The following GPAT3 variants were observed in gnomAD, a reference collection of about 807,000 sequenced individuals.
The protein encoded by GPAT3 is 1-AGP acyltransferase 9.
A neutral mutation model predicts 58.8 loss-of-function variants in GPAT3; 53 were observed. That is an observed-to-expected ratio of 0.90 (90% CI 0.72 to 1.13). The LOEUF (loss-of-function observed/expected upper bound fraction) is 1.13. Among genes scored for constraint, GPAT3 ranks in the 50% most tolerant of loss-of-function variants. The pLI is 0.00. For synonymous variants in GPAT3, 197 were observed against 187.4 expected, an observed-to-expected ratio of 1.05 and a Z score of -0.42; for missense variants, 511 against 527.6, an observed-to-expected ratio of 0.97 and a Z score of 0.31.
chr4:83,566,832 T>C (rs542354724), intron 2 of GPAT3, among the ~76,000 whole-genome samples: 1 of 151,894 alleles, frequency 6.6e-6, no homozygotes, highest in Admixed American at 6.6e-5. Flanking sequence ...TTCTTTTGTA[T>C]CCTTAAGAGA....
chr4:83,562,253 T>C (rs563595595), intron 2 of GPAT3, among the ~76,000 whole-genome samples: 12 of 135,998 alleles, frequency 8.8e-5, no homozygotes, highest in African/African-American at 2.8e-4. Flanking sequence ...ATATATAAAA[T>C]ATAGTTTGGC....
At chr4:83,551,813 A>AATCTATCT (rs3083939) in intron 2 of GPAT3, among the ~76,000 whole-genome samples, 3,527 of 102,330 alleles carry the variant, frequency 0.034, 139 homozygotes, top group African/African-American at 0.085. Context: ...AAAAAAAAAA[A>AATCTATCT]ATCTATCTAT....
intron 11 of GPAT3, among the ~76,000 whole-genome samples, chr4:83,600,807 A>G (rs1727028586): frequency 6.6e-6 from 1 of 152,050 alleles, no homozygotes; most frequent in Non-Finnish European, 1.5e-5. Flanking sequence ...TGGCCGGGAG[A>G]TTGGATTCTT....
In GPAT3 at chr4:83,605,080, G is replaced by T. The variant is rs1305850823; in HGVS notation, c.*313G>T. 4 of 200,698 alleles carry T rather than the reference G, an allele frequency of 2.0e-5. No homozygotes were observed. The highest frequency in any genetic ancestry group is 4.0e-5 in the Non-Finnish European group (4 of 98,986). 12.4% of individuals were successfully genotyped at this position (200,698 alleles called of 1,614,324 possible). On this transcript the variant is annotated 3_prime_UTR_variant, in exon 12 of 12. Transcript: ENST00000264409. ...AAAAAGTGCTTGAAAAGTGTGTTTG[G>T]AACTCATCGATAGGGTAATTCTCCA...
At chr4:83,556,342 C>T (rs1374085708) in intron 2 of GPAT3, among the ~76,000 whole-genome samples, 2 of 151,754 alleles carry the variant, frequency 1.3e-5, no homozygotes, top group Admixed American at 1.3e-4. Flanking sequence ...GACTAAAATA[C>T]AAAAAAATAG....
chr4:83,585,302 A>C (rs1726336346), intron 3 of GPAT3, among the ~76,000 whole-genome samples: 1 of 150,090 alleles, frequency 6.7e-6, no homozygotes, highest in Admixed American at 6.7e-5. Context: ...AGTTATAGTA[A>C]TATATCATGT....
intron 6 of GPAT3, among the ~76,000 whole-genome samples, chr4:83,594,294 C>A (rs1374024412): frequency 6.6e-6 from 1 of 152,116 alleles, no homozygotes; most frequent in Non-Finnish European, 1.5e-5. Flanking sequence ...ACAAGTAATG[C>A]TGTAGTTAAT....
intron 6 of GPAT3, among the ~76,000 whole-genome samples, chr4:83,591,732 C>T (rs1442604310): frequency 6.6e-6 from 1 of 152,118 alleles, no homozygotes; most frequent in Non-Finnish European, 1.5e-5. Flanking sequence ...TCCCTGTAAT[C>T]CAATCAGGTT....
intron 3 of GPAT3, among the ~76,000 whole-genome samples, chr4:83,585,975 G>GCCAGACT (rs202194089): frequency 0.034 from 5,142 of 152,190 alleles, 292 homozygotes; most frequent in African/African-American, 0.12. Context: ...GAATTCTGGA[G>GCCAGACT]CCCTGGGTTC....
intron 6 of GPAT3, 53 bp from the exon 7 acceptor site, chr4:83,594,792 T>C: frequency 6.7e-7 from 1 of 1,492,886 alleles, no homozygotes; most frequent in South Asian, 1.2e-5. Context: ...TAAAAAACTT[T>C]CTTTGCACAA....
intron 1 of GPAT3, among the ~76,000 whole-genome samples, chr4:83,538,006 T>A (rs994851193): frequency 1.3e-5 from 2 of 152,250 alleles, no homozygotes; most frequent in African/African-American, 4.8e-5. Flanking sequence ...TGCCTGCACC[T>A]ACTGTATGAA....
intron 2 of GPAT3, among the ~76,000 whole-genome samples, chr4:83,549,887 T>C (rs986009917): frequency 2.6e-5 from 4 of 151,924 alleles, no homozygotes; most frequent in African/African-American, 7.3e-5. Context: ...CAAACCTGGC[T>C]AATTTTTGTA....
chr4:83,588,572 T>G (rs1384587738), intron 5 of GPAT3, among the ~76,000 whole-genome samples: 1 of 152,222 alleles, frequency 6.6e-6, no homozygotes, highest in Non-Finnish European at 1.5e-5. Context: ...AGCTCATCCC[T>G]ATGAGATAGG....
intron 2 of GPAT3, among the ~76,000 whole-genome samples, chr4:83,577,635 T>A (rs796135154): frequency 3.3e-5 from 5 of 152,302 alleles, no homozygotes; most frequent in African/African-American, 9.6e-5. Context: ...AATTATTTTT[T>A]AAAAAGATCT....
Position 83,536,858 on chromosome 4 carries a change from G to A in GPAT3, c.141+95G>A, listed in dbSNP as rs114476938. 6.1e-3 allele frequency: 7,293 copies of A among 1,201,946 alleles called. 35 individuals carry two copies. The highest frequency in any genetic ancestry group is 7.8e-3 in the Non-Finnish European group (6,637 of 851,276). The allele number at this position is 1,201,946 out of a possible 1,614,324, so 74.5% of individuals were successfully genotyped here. A position where few individuals can be genotyped will look rare whatever the true frequency, so the allele number is the denominator to read the frequency against. The stretch of plus-strand genomic sequence containing the variant: ...AGGTCAGTGGTCGCGAGTCAGGGGT[G>A]TGTGTGCGCGCGTGTGCATGCGTGC... On this transcript the variant is annotated intron_variant, in intron 1 of 11. Coordinates refer to ENST00000264409, the MANE Select transcript of GPAT3 (RefSeq NM_032717.5).
intron 6 of GPAT3, among the ~76,000 whole-genome samples, chr4:83,593,380 G>T (rs187739813): frequency 7.3e-4 from 111 of 151,936 alleles, no homozygotes; most frequent in Admixed American, 2.2e-3. Context: ...TGGCCAGGCT[G>T]GGCTTGAACT....
intron 2 of GPAT3, among the ~76,000 whole-genome samples, chr4:83,561,369 C>T (rs914404089): frequency 6.6e-6 from 1 of 151,930 alleles, no homozygotes; most frequent in Non-Finnish European, 1.5e-5. Flanking sequence ...GGTGTTAAGT[C>T]CATGTTCCTT....
At chr4:83,546,910 A>T (rs1404304036) in intron 2 of GPAT3, among the ~76,000 whole-genome samples, 2 of 152,106 alleles carry the variant, frequency 1.3e-5, no homozygotes, top group African/African-American at 4.8e-5. Flanking sequence ...AGGGGTACTT[A>T]GTACCAGGGG....
rs756750724 is a variant in GPAT3, at chr4:83,587,238, T to C, written c.480-17T>C. ...TATGTGTCAAAATCTTATATGGCCCTCTCTTTTCTTTTTCAGGGTTACCTT... is the reference window on the plus strand; with the variant it reads ...TATGTGTCAAAATCTTATATGGCCCCCTCTTTTCTTTTTCAGGGTTACCTT... On this transcript the variant is annotated splice_polypyrimidine_tract_variant and intron_variant, in intron 3 of 11. Coordinates refer to ENST00000264409, the MANE Select transcript of GPAT3 (RefSeq NM_032717.5). The C allele has an allele frequency of 3.1e-6, 5 of 1,609,218 alleles. No homozygotes were observed. The African/African-American group carries it at 5.4e-5, about 17-fold the overall frequency.
Sources: allele counts gnomAD v4.1 joint callset (sites outside exome capture counted in the v4.1 genomes callset), GRCh38; gene constraint gnomAD v4.1.1; transcripts MANE v1.5; gene names NCBI Gene and HGNC (gene_info 2026-07-23, HGNC 2026-07-21).